The following RFT1 variants were observed in gnomAD, a reference collection of about 807,000 sequenced individuals.
The protein encoded by RFT1 is RFT1 glycolipid translocator homolog.
Under a neutral mutation model 62.2 loss-of-function variants are expected in RFT1, and 43 were observed. That is an observed-to-expected ratio of 0.69 (90% confidence interval 0.54 to 0.89). The LOEUF (loss-of-function observed/expected upper bound fraction) is 0.89. Among genes scored for constraint, RFT1 ranks in the 40% least tolerant of loss-of-function variants. The pLI is 0.00. For synonymous variants in RFT1, 262 were observed against 264.6 expected (o/e 0.99, Z 0.10); for missense variants, 605 against 649.9 (o/e 0.93, Z 0.75).
In RFT1 at chr3:53,095,508, T is replaced by TG. The variant is rs201543560; in HGVS notation, c.1209-2891dup. 0.013 allele frequency among the ~76,000 whole-genome samples: 1,937 copies of TG among 152,264 alleles called. 116 individuals carry two copies. The South Asian group carries it at 0.17, about 13-fold the overall frequency. On this transcript the variant is annotated intron_variant, in intron 11 of 12. Transcript: ENST00000296292. ...AGGCAGATCGCTTGAGCCCAGGAGT[T>TG]GGAGACCAGCCTGGGAAACATGGTG...
Position 53,119,600 on chromosome 3 carries a change from C to T in RFT1, c.696+284G>A, listed in dbSNP as rs1235812426. Among the ~76,000 whole-genome samples, 6 of 152,158 alleles carry T rather than the reference C, an allele frequency of 3.9e-5. No individual in the cohort carries two copies. In the East Asian group the frequency reaches 1.2e-3, roughly 29 times the overall value. On this transcript the variant is annotated intron_variant, in intron 6 of 12. Coordinates refer to ENST00000296292, the MANE Select transcript of RFT1 (RefSeq NM_052859.4). ...CGTCTGGAGACATTTTGGGGTGCTC[C>T]ACTGAGGGGTGGTTGCTACTGGCAT...
chr3:53,082,927 G>A, the RFT1 span, among the ~76,000 whole-genome samples: 8 of 152,268 alleles, frequency 5.3e-5, no homozygotes, highest in East Asian at 9.6e-4. Context: ...CGGGCATGGC[G>A]GCTCATGCCT....
At position 53,090,354 on chromosome 3, in the gene RFT1, G is replaced by C. The variant is rs926269306; in HGVS notation, c.*1549C>G. On this transcript the variant is annotated 3_prime_UTR_variant, in exon 13 of 13. Coordinates refer to ENST00000296292, the MANE Select transcript of RFT1 (RefSeq NM_052859.4). ...ACTGCCTTCCGTGTGTGCTCCACTT[G>C]ACCCTATGGGACCATCCATTTTTCT... 6.6e-6 allele frequency: 1 copy of C among 152,658 alleles called. No individual in the cohort carries two copies. The highest frequency in any genetic ancestry group is 1.5e-5 in the Non-Finnish European group (1 of 68,080). 9.5% of individuals were successfully genotyped at this position (152,658 alleles called of 1,614,324 possible). A position where few individuals can be genotyped will look rare whatever the true frequency, so the allele number is the denominator to read the frequency against.
chr3:53,075,825 C>G, the RFT1 span, among the ~76,000 whole-genome samples: 1 of 152,124 alleles, frequency 6.6e-6, no homozygotes, highest in African/African-American at 2.4e-5. Flanking sequence ...ATGGGGGAGA[C>G]GAGACACAGG....
At chr3:53,098,661 G>C (rs377744485) in intron 11 of RFT1, among the ~76,000 whole-genome samples, 1 of 152,054 alleles carries the variant, frequency 6.6e-6, no homozygotes, top group African/African-American at 2.4e-5. Flanking sequence ...AATTAGCCAG[G>C]CATGGTGGCA....
At chr3:53,123,347 C>T (rs939928971) in intron 3 of RFT1, among the ~76,000 whole-genome samples, 2 of 152,136 alleles carry the variant, frequency 1.3e-5, no homozygotes, top group Non-Finnish European at 2.9e-5. Flanking sequence ...ATCTAAGTGG[C>T]TGTTAAAAGC....
At chr3:53,111,419 T>A (rs1251789008) in intron 7 of RFT1, among the ~76,000 whole-genome samples, 6 of 150,958 alleles carry the variant, frequency 4.0e-5, no homozygotes, top group South Asian at 2.1e-4. Context: ...AAAAAAAAAA[T>A]GATAAAAATA....
the RFT1 span, among the ~76,000 whole-genome samples, chr3:53,083,045 A>C: frequency 6.6e-6 from 1 of 151,540 alleles, no homozygotes; most frequent in Non-Finnish European, 1.5e-5. Context: ...AAAATACTTT[A>C]AAAAAATTAG....
chr3:53,115,493 C>CCGGT (rs1559593611), intron 6 of RFT1, among the ~76,000 whole-genome samples: 1 of 152,170 alleles, frequency 6.6e-6, no homozygotes, highest in East Asian at 1.9e-4. Context: ...GCCACTGCCA[C>CCGGT]CTGACCCTAG....
At chr3:53,108,442 T>G (rs916117715) in intron 7 of RFT1, among the ~76,000 whole-genome samples, 11 of 147,588 alleles carry the variant, frequency 7.5e-5, no homozygotes, top group African/African-American at 2.5e-4. Context: ...CAGACTGGAG[T>G]GCAGTGGCAC....
rs907866673 is a variant in RFT1 at position 53,094,792 on chromosome 3, G to C, written c.1209-2174C>G. 2.6e-5 allele frequency among the ~76,000 whole-genome samples: 4 copies of C among 151,788 alleles called. No individual in the cohort carries two copies. The South Asian group carries it at 8.3e-4, about 32-fold the overall frequency. On this transcript the variant is annotated intron_variant, in intron 11 of 12. Transcript: ENST00000296292. ...GTTAATTCATGCTAATTCAAGCAGA[G>C]ACGCATTCGACAGCACAGCCTCTTT...
rs75664038 is a variant in RFT1, at chr3:53,099,576, C to A, written c.1103-90G>T. 664 of 976,674 alleles carry A rather than the reference C, an allele frequency of 6.8e-4. 4 individuals carry two copies. The African/African-American group carries it at 9.4e-3, about 14-fold the overall frequency. The allele number at this position is 976,674 out of a possible 1,614,324, so 60.5% of individuals were successfully genotyped here. On this transcript the variant is annotated intron_variant, in intron 10 of 12. Coordinates refer to ENST00000296292, the MANE Select transcript of RFT1 (RefSeq NM_052859.4). ...CTGCTGAGTACCCAGAGAACCAGAA[C>A]CAGACTATGAGGTCTGCTGGTATCA...
At chr3:53,068,091 C>A in the RFT1 span, among the ~76,000 whole-genome samples, 1 of 152,214 alleles carries the variant, frequency 6.6e-6, no homozygotes, top group Non-Finnish European at 1.5e-5. Flanking sequence ...TGTAGCCAAC[C>A]TGGCTGGAGG....
At chr3:53,099,569 AC>A in intron 10 of RFT1, 83 bp from the exon 11 acceptor site, 1 of 1,028,702 alleles carries the variant, frequency 9.7e-7, no homozygotes, top group Non-Finnish European at 1.5e-6. Flanking sequence ...TACCCAGAGA[AC>A]CAGAACCAGA....
At chr3:53,106,132 C>T (rs1272408672) in intron 8 of RFT1, among the ~76,000 whole-genome samples, 1 of 152,030 alleles carries the variant, frequency 6.6e-6, no homozygotes, top group Non-Finnish European at 1.5e-5. Flanking sequence ...ATTTGGGAGG[C>T]TGAGGTGGGA....
downstream of RFT1, among the ~76,000 whole-genome samples, chr3:53,085,457 G>C (rs1221980623): frequency 2.0e-5 from 3 of 152,216 alleles, no homozygotes; most frequent in Admixed American, 2.0e-4. Context: ...ATGAGATGAA[G>C]ACAAAATTTA....
rs1295786345 is a variant in RFT1 at position 53,092,084 on chromosome 3, C to G, written c.1459-14G>C. On this transcript the variant is annotated splice_polypyrimidine_tract_variant and intron_variant, in intron 12 of 12. Coordinates refer to ENST00000296292, the MANE Select transcript of RFT1 (RefSeq NM_052859.4). Reference sequence around the variant, plus strand: ...GCAGAGGAATACCTGGGGAAAGAAACCATTGTCAGTGCCTGTTCCTCAGTC... The same window carrying G: ...GCAGAGGAATACCTGGGGAAAGAAAGCATTGTCAGTGCCTGTTCCTCAGTC... The G allele has an allele frequency of 1.9e-6, 3 of 1,614,126 alleles. No homozygotes were observed. The highest frequency in any genetic ancestry group is 1.3e-5 in the African/African-American group (1 of 75,052).
chr3:53,111,770 G>T, intron 7 of RFT1, 60 bp downstream of exon 7: 2 of 1,395,694 alleles, frequency 1.4e-6, no homozygotes, highest in Non-Finnish European at 2.0e-6. Context: ...GTAATTGGCA[G>T]TCCTATGAAA....
chr3:53,129,500 G>A (rs2107180945), intron 1 of RFT1, among the ~76,000 whole-genome samples: 1 of 152,172 alleles, frequency 6.6e-6, no homozygotes, highest in South Asian at 2.1e-4. Flanking sequence ...TAAGATAAGG[G>A]GTAGGGTAGA....
Sources: allele counts gnomAD v4.1 joint callset (sites outside exome capture counted in the v4.1 genomes callset), GRCh38; gene constraint gnomAD v4.1.1; transcripts MANE v1.5; gene names NCBI Gene and HGNC (gene_info 2026-07-23, HGNC 2026-07-21).